MGAT5: variants seen among roughly 807,000 people sequenced by gnomAD.
The protein encoded by MGAT5 is alpha-1,6-mannosylglycoprotein 6-beta-N-acetylglucosaminyltransferase A.
MGAT5 carries 30 observed loss-of-function variants against 94.3 expected under a neutral mutation model. The observed-to-expected ratio is 0.32, with a 90% confidence interval of 0.24 to 0.43. MGAT5 has a LOEUF of 0.43. Ranked by LOEUF, MGAT5 falls within the 20% of genes least tolerant of loss-of-function variation. MGAT5 has a pLI of 1.00. For missense variants in MGAT5, 691 were observed against 905.5 expected (o/e 0.76, Z 3.04); for synonymous variants, 310 against 322.9 (o/e 0.96, Z 0.43).
At chr2:134,406,755 C>T (rs1033357394) in intron 11 of MGAT5, among the ~76,000 whole-genome samples, 1 of 151,284 alleles carries the variant, frequency 6.6e-6, no homozygotes, top group African/African-American at 2.4e-5. Flanking sequence ...AATAGCTGTG[C>T]GTGGTGGCAT....
intron 1 of MGAT5, among the ~76,000 whole-genome samples, chr2:134,142,928 G>GT (rs1262906106): frequency 6.6e-6 from 1 of 151,332 alleles, no homozygotes; most frequent in Non-Finnish European, 1.5e-5. Flanking sequence ...TCCTGTTTTG[G>GT]TTTTTTTCAA....
chr2:134,246,528 T>C (rs1573604858), intron 1 of MGAT5, among the ~76,000 whole-genome samples: 1 of 152,256 alleles, frequency 6.6e-6, no homozygotes. Context: ...CCGTCCCCGT[T>C]CCATCTGTCT....
chr2:134,427,906 C>A (rs997384536), intron 13 of MGAT5, among the ~76,000 whole-genome samples: 5 of 152,222 alleles, frequency 3.3e-5, no homozygotes, highest in African/African-American at 1.2e-4. Flanking sequence ...ACAGCAGTGA[C>A]CATGCATTCA....
At position 134,448,969 on chromosome 2, in the gene MGAT5, A is replaced by G. The variant is rs1685952522; in HGVS notation, c.*122A>G. 1 of 1,043,950 alleles carries G rather than the reference A, an allele frequency of 9.6e-7. No homozygotes were observed. The highest frequency in any genetic ancestry group is 1.4e-6 in the Non-Finnish European group (1 of 721,222). 64.7% of individuals were successfully genotyped at this position (1,043,950 alleles called of 1,614,324 possible). A position where few individuals can be genotyped will look rare whatever the true frequency, so the allele number is the denominator to read the frequency against. On this transcript the variant is annotated 3_prime_UTR_variant, in exon 16 of 16. Coordinates refer to ENST00000281923, the MANE Select transcript of MGAT5 (RefSeq NM_002410.5). The stretch of plus-strand genomic sequence containing the variant: ...GCAAGAGCCTGAACTTTTTCGTAGA[A>G]GGTTCTGAATTGGCATTGCCCTTGC...
At chr2:134,291,163 T>C (rs76625383) in intron 2 of MGAT5, among the ~76,000 whole-genome samples, 5,101 of 152,252 alleles carry the variant, frequency 0.034, 301 homozygotes, top group African/African-American at 0.12. Context: ...GACTAAATGT[T>C]TGTGTCCTCT....
In MGAT5 at chr2:134,454,226, G is replaced by A. The variant is rs1165758925; in HGVS notation, c.*5379G>A. On this transcript the variant is annotated 3_prime_UTR_variant, in exon 16 of 16. Transcript: ENST00000281923. ...GATCTGTGGTGCTGGAGGTCTACAC[G>A]CCTCTCAGGACAGCGTGTCAGGAAC... is the stretch of plus-strand genomic sequence containing the variant. The A allele has an allele frequency of 2.0e-5, 3 of 152,328 alleles. No homozygotes were observed. Among genetic ancestry groups the A allele is most frequent in the Admixed American group, 6.5e-5 (1 of 15,302 alleles). The allele number at this position is 152,328 out of a possible 1,614,324, so 9.4% of individuals were successfully genotyped here.
At chr2:134,162,300 T>C (rs1333000775) in intron 1 of MGAT5, among the ~76,000 whole-genome samples, 6 of 152,196 alleles carry the variant, frequency 3.9e-5, no homozygotes, top group Non-Finnish European at 7.3e-5. Context: ...TGCTGAAGAC[T>C]GGCGGGTTGT....
chr2:134,168,008 A>T (rs529651100), intron 1 of MGAT5, among the ~76,000 whole-genome samples: 1 of 152,230 alleles, frequency 6.6e-6, no homozygotes, highest in Admixed American at 6.5e-5. Context: ...CAAAGTAGCT[A>T]TCAGCAAAAT....
At chr2:134,272,313 T>C (rs1684080841) in intron 2 of MGAT5, among the ~76,000 whole-genome samples, 1 of 152,204 alleles carries the variant, frequency 6.6e-6, no homozygotes, top group South Asian at 2.1e-4. Flanking sequence ...CTCCTTTAAA[T>C]GTGCCACTGG....
chr2:134,333,186 A>G (rs1247536267), intron 4 of MGAT5, among the ~76,000 whole-genome samples: 2 of 152,114 alleles, frequency 1.3e-5, no homozygotes, highest in South Asian at 4.1e-4. Context: ...AACCAACCCA[A>G]ATGTCCAACA....
At chr2:134,446,038 G>A (rs1469977616) in intron 15 of MGAT5, among the ~76,000 whole-genome samples, 2 of 152,152 alleles carry the variant, frequency 1.3e-5, no homozygotes, top group Admixed American at 6.5e-5. Flanking sequence ...CTGGGGCCAG[G>A]GGGTTGGTTA....
rs573714377 is a variant in MGAT5 at position 134,162,977 on chromosome 2, G to A, written c.-143+42686G>A. 4.6e-5 allele frequency among the ~76,000 whole-genome samples: 7 copies of A among 152,298 alleles called. No individual in the cohort carries two copies. The East Asian group carries it at 1.3e-3, about 29-fold the overall frequency. The stretch of plus-strand genomic sequence containing the variant: ...CATGAATAGAAACTGTATTTTCAGT[G>A]GATTGTCAAATATTTGTGGAGTGTC... On this transcript the variant is annotated intron_variant, in intron 1 of 16. Coordinates refer to the MGAT5 transcript ENST00000409645.
At position 134,449,244 on chromosome 2, in the gene MGAT5, C is replaced by T. The variant is rs1395073559; in HGVS notation, c.*397C>T. 5 of 48,810 alleles carry T rather than the reference C, an allele frequency of 1.0e-4. No individual in the cohort carries two copies. The highest frequency in any genetic ancestry group is 1.7e-4 in the African/African-American group (2 of 11,800). 3.0% of individuals were successfully genotyped at this position (48,810 alleles called of 1,614,324 possible). The stretch of plus-strand genomic sequence containing the variant: ...TCCTAAACCCATTAACTTATTTATT[C>T]GGGTGGGAGGGAGGGGACCGCGGGA... On this transcript the variant is annotated 3_prime_UTR_variant, in exon 16 of 16. Coordinates refer to ENST00000281923, the MANE Select transcript of MGAT5 (RefSeq NM_002410.5).
chr2:134,354,307 C>G lies in MGAT5; in HGVS notation c.1246+4369C>G, dbSNP rs187874076. 4.3e-4 allele frequency among the ~76,000 whole-genome samples: 65 copies of G among 152,212 alleles called. 1 individual carries two copies. Among genetic ancestry groups the G allele is most frequent in the African/African-American group, 1.5e-3 (61 of 41,526 alleles). On this transcript the variant is annotated intron_variant, in intron 9 of 15. Coordinates refer to ENST00000281923, the MANE Select transcript of MGAT5 (RefSeq NM_002410.5). Reference sequence around the variant, plus strand: ...GAGACTGCAGAAATAGAGTGCTATACTTGAGGAACAAAGTCTTCAGGACTA... The same window carrying G: ...GAGACTGCAGAAATAGAGTGCTATAGTTGAGGAACAAAGTCTTCAGGACTA...
At chr2:134,248,721 T>C (rs953857172) in intron 1 of MGAT5, among the ~76,000 whole-genome samples, 3 of 152,124 alleles carry the variant, frequency 2.0e-5, no homozygotes, top group African/African-American at 7.2e-5. Flanking sequence ...GGGATGGTAT[T>C]GTCCTGCAGG....
At position 134,344,804 on chromosome 2, in the gene MGAT5, G is replaced by A. The variant is rs1276437126; in HGVS notation, c.978-126G>A. 5.6e-6 allele frequency: 6 copies of A among 1,064,292 alleles called. No homozygotes were observed. The East Asian group carries it at 1.3e-4, about 22-fold the overall frequency. The allele number at this position is 1,064,292 out of a possible 1,614,324, so 65.9% of individuals were successfully genotyped here. A position where few individuals can be genotyped will look rare whatever the true frequency, so the allele number is the denominator to read the frequency against. ...TTTATATAGGTAGCAGATTTGAAAG[G>A]GCCATGCTGTCATCTCTAAAAAGGA... On this transcript the variant is annotated intron_variant, in intron 7 of 15. Transcript: ENST00000281923.
intron 10 of MGAT5, among the ~76,000 whole-genome samples, 190 bp downstream of exon 10, chr2:134,362,598 C>T (rs1680167886): frequency 6.6e-6 from 1 of 152,216 alleles, no homozygotes; most frequent in Non-Finnish European, 1.5e-5. Context: ...TGTACCTGCT[C>T]TTCTGATAGT....
At chr2:134,332,522 G>A (rs1244338735) in intron 4 of MGAT5, among the ~76,000 whole-genome samples, 1 of 152,170 alleles carries the variant, frequency 6.6e-6, no homozygotes, top group Admixed American at 6.5e-5. Context: ...CAAGACATAG[G>A]CATGGGTAAG....
rs764477702 is a variant in MGAT5 at position 134,422,784 on chromosome 2, G to T, written c.1678-19G>T. The T allele has an allele frequency of 1.2e-4, 188 of 1,599,284 alleles. No homozygotes were observed. The highest frequency in any genetic ancestry group is 1.5e-4 in the Non-Finnish European group (179 of 1,166,942). On this transcript the variant is annotated intron_variant, in intron 12 of 15. Coordinates refer to ENST00000281923, the MANE Select transcript of MGAT5 (RefSeq NM_002410.5). The stretch of plus-strand genomic sequence containing the variant: ...TTTAAAAATTGCTTGTGAGACTGAG[G>T]TGTTCGGTTCTTTTCCAGCTGACAT...
Sources: allele counts gnomAD v4.1 joint callset (sites outside exome capture counted in the v4.1 genomes callset), GRCh38; gene constraint gnomAD v4.1.1; transcripts MANE v1.5; gene names NCBI Gene and HGNC (gene_info 2026-07-23, HGNC 2026-07-21).